ZKSCAN7: variants seen among roughly 807,000 people sequenced by gnomAD.
The protein encoded by ZKSCAN7 is zinc finger protein with KRAB and SCAN domains 7.
In ZKSCAN7, 38 loss-of-function variants were observed where a neutral mutation model predicts 65.3. The ratio of observed to expected loss-of-function variants is 0.58; its 90% confidence interval spans 0.45 to 0.76. The LOEUF is 0.76. Among genes scored for constraint, ZKSCAN7 ranks in the 30% least tolerant of loss-of-function variants. The pLI is 0.00. For synonymous variants in ZKSCAN7, 321 were observed against 321.0 expected, an observed-to-expected ratio of 1.00 and a Z score of 0.00; for missense variants, 815 against 913.3, an observed-to-expected ratio of 0.89 and a Z score of 1.39.
intron 5 of ZKSCAN7, 62 bp from the exon 6 acceptor site, chr3:44,569,860 G>T: frequency 6.8e-7 from 1 of 1,474,760 alleles, no homozygotes; most frequent in South Asian, 1.6e-5. Context: ...AGCTCTTAAT[G>T]ATTCTCTTTC....
At chr3:44,578,362 T>C in intron 5 of ZKSCAN7, 1 of 1,607,620 alleles carries the variant, frequency 6.2e-7, no homozygotes, top group African/African-American at 1.3e-5. Flanking sequence ...GTGCAAGGGG[T>C]GACCCAGTGG....
chr3:44,563,659 A>C (rs1249379088), intron 2 of ZKSCAN7, among the ~76,000 whole-genome samples: 13 of 144,782 alleles, frequency 9.0e-5, no homozygotes, highest in Admixed American at 1.4e-4. Context: ...CCCTACCCCC[A>C]CCCCCCGTGA....
In ZKSCAN7 at chr3:44,565,675, T is replaced by C; in HGVS notation, c.592+20T>C. 1 of 1,558,228 alleles carries C rather than the reference T, an allele frequency of 6.4e-7. No individual in the cohort carries two copies. The highest frequency in any genetic ancestry group is 8.7e-7 in the Non-Finnish European group (1 of 1,153,380). Reference sequence around the variant, plus strand: ...ACTTCGGTACTTATCTCCCCAGCTTTGGCCTTAAGTCATGCCTCCCTTCTC... The same window carrying C: ...ACTTCGGTACTTATCTCCCCAGCTTCGGCCTTAAGTCATGCCTCCCTTCTC... On this transcript the variant is annotated intron_variant, in intron 3 of 5. Transcript: ENST00000426540.
At chr3:44,575,340 G>A (rs1340705208), downstream of ZKSCAN7, among the ~76,000 whole-genome samples, 2 of 152,074 alleles carry the variant, frequency 1.3e-5, no homozygotes, top group African/African-American at 4.8e-5. Flanking sequence ...GTGTAACTGT[G>A]GGAAAATCAC....
At chr3:44,574,696 G>A (rs1208678830), downstream of ZKSCAN7, among the ~76,000 whole-genome samples, 2 of 152,186 alleles carry the variant, frequency 1.3e-5, no homozygotes. Flanking sequence ...TTGGGAGGCT[G>A]AGGCAGGTGG....
intron 5 of ZKSCAN7, among the ~76,000 whole-genome samples, chr3:44,579,604 G>A (rs1700015346): frequency 6.6e-6 from 1 of 152,146 alleles, no homozygotes; most frequent in Non-Finnish European, 1.5e-5. Context: ...GCTTCATGAT[G>A]GTCTGGATCC....
At position 44,557,247 on chromosome 3, in the gene ZKSCAN7, G is replaced by T; in HGVS notation, c.200G>T (p.Gly67Val). ...FRQLCYHEMS[G>V]PQEALSRLRE... ...CAATTGTGTTACCACGAGATGTCTG[G>T]GCCGCAGGAAGCATTGAGCCGGCTT... Residue 67 changes from glycine (G) to valine (V), a missense_variant, in exon 2 of 6, where the codon GGG becomes GTG. Physicochemically the swap from Gly to Val is moderately radical, Grantham distance 109. Transcript: ENST00000426540. The T allele has an allele frequency of 6.2e-7, 1 of 1,614,276 alleles. No homozygotes were observed. The highest frequency in any genetic ancestry group is 8.5e-7 in the Non-Finnish European group (1 of 1,180,054).
At chr3:44,576,308 CT>C (rs577590701), downstream of ZKSCAN7, among the ~76,000 whole-genome samples, 64 of 152,304 alleles carry the variant, frequency 4.2e-4, 1 homozygote, top group African/African-American at 1.4e-3. Context: ...CAGGATGCCC[CT>C]ATCTCAGATA....
In ZKSCAN7 at chr3:44,571,027, G is replaced by A; in HGVS notation, c.1917G>A (p.Glu639=). Residue 639 remains glutamate (E), a synonymous_variant, in exon 6 of 6, where the codon GAG becomes GAA. Coordinates refer to ENST00000426540, the MANE Select transcript of ZKSCAN7 (RefSeq NM_001288590.2). ...GTGAAAAGCCCTATAAATGCAATGA[G>A]TGTGGAAAATCCTTCAATCAAAACT... ...HTGEKPYKCN[E]CGKSFNQNSH... 2 of 1,614,206 alleles carry A rather than the reference G, an allele frequency of 1.2e-6. No individual in the cohort carries two copies. Among genetic ancestry groups the A allele is most frequent in the Non-Finnish European group, 1.7e-6 (2 of 1,180,036 alleles).
At chr3:44,581,315 C>G (rs1411321994) in intron 5 of ZKSCAN7, among the ~76,000 whole-genome samples, 10 of 150,776 alleles carry the variant, frequency 6.6e-5, no homozygotes, top group Non-Finnish European at 1.5e-4. Flanking sequence ...TCTCAAGCTC[C>G]GGTCGCCGCC....
chr3:44,557,449 A>G lies in ZKSCAN7; in HGVS notation c.402A>G (p.Arg134=), dbSNP rs1352091714. 1.2e-6 allele frequency: 2 copies of G among 1,614,148 alleles called. No individual in the cohort carries two copies. The highest frequency in any genetic ancestry group is 1.3e-5 in the African/African-American group (1 of 75,038). Residue 134 remains arginine (R), a synonymous_variant, in exon 2 of 6, where the codon AGA becomes AGG. Coordinates refer to ENST00000426540, the MANE Select transcript of ZKSCAN7 (RefSeq NM_001288590.2). ...TGGCTGTGGTGGAGGATTTCCAGAG[A>G]CACCTCAGTGGATCAGAGGAGGTGA... ...EAVAVVEDFQ[R]HLSGSEEVSA...
chr3:44,560,813 C>T (rs1699455752), intron 2 of ZKSCAN7, among the ~76,000 whole-genome samples: 1 of 152,160 alleles, frequency 6.6e-6, no homozygotes, highest in East Asian at 1.9e-4. Context: ...TGGCCTGTTT[C>T]CTGTATCTTT....
In ZKSCAN7 at chr3:44,571,402, A is replaced by G. The variant is rs1274027945; in HGVS notation, c.*27A>G. On this transcript the variant is annotated 3_prime_UTR_variant, in exon 6 of 6. Transcript: ENST00000426540. ...GTATGGTTCTCTGAGACAGAGAGCAACGACCTTTGAGTTAAGCTGTCTTTA... is the reference window on the plus strand; with the variant it reads ...GTATGGTTCTCTGAGACAGAGAGCAGCGACCTTTGAGTTAAGCTGTCTTTA... The G allele has an allele frequency of 7.4e-6, 12 of 1,611,866 alleles. No individual in the cohort carries two copies. The highest frequency in any genetic ancestry group is 1.0e-5 in the Non-Finnish European group (12 of 1,180,018).
downstream of ZKSCAN7, among the ~76,000 whole-genome samples, chr3:44,572,849 C>CAAAAAAAAAAAAAAAAAAAAAAAAA (rs11339297): frequency 1.1e-3 from 77 of 72,404 alleles, no homozygotes; most frequent in Middle Eastern, 0.014. Context: ...GACTCTGTCT[C>CAAAAAAAAAAAAAAAAAAAAAAAAA]AAAAAAAAAA....
At chr3:44,579,094 A>C (rs1327830997) in intron 5 of ZKSCAN7, among the ~76,000 whole-genome samples, 1 of 152,164 alleles carries the variant, frequency 6.6e-6, no homozygotes, top group African/African-American at 2.4e-5. Context: ...CTTCCCGGAG[A>C]GGCGTGGTCT....
At chr3:44,577,549 G>A (rs560609756) in intron 5 of ZKSCAN7, among the ~76,000 whole-genome samples, 14 of 152,222 alleles carry the variant, frequency 9.2e-5, no homozygotes, top group South Asian at 8.3e-4. Flanking sequence ...ATCTTGAGGC[G>A]TGCTGGCTGG....
intron 5 of ZKSCAN7, among the ~76,000 whole-genome samples, chr3:44,569,385 A>C (rs1699726862): frequency 6.6e-6 from 1 of 152,204 alleles, no homozygotes; most frequent in Non-Finnish European, 1.5e-5. Context: ...CCTATCATGT[A>C]AGATCTGTTC....
intron 3 of ZKSCAN7, among the ~76,000 whole-genome samples, chr3:44,567,125 G>A (rs951205965): frequency 1.6e-4 from 21 of 132,942 alleles, no homozygotes; most frequent in Non-Finnish European, 3.2e-5. Context: ...AAGAGAGAGA[G>A]AGAGAGAAAG....
At position 44,571,654 on chromosome 3, in the gene ZKSCAN7, C is replaced by T; in HGVS notation, c.*279C>T. 1.6e-6 allele frequency: 2 copies of T among 1,267,906 alleles called. No homozygotes were observed. Among genetic ancestry groups the T allele is most frequent in the Non-Finnish European group, 2.0e-6 (2 of 1,003,610 alleles). 78.5% of individuals were successfully genotyped at this position (1,267,906 alleles called of 1,614,324 possible). ...AAATCTATTTCATTTCTTAGTTATG[C>T]ATCTCATAATCAGACTCCATGCTTT... On this transcript the variant is annotated 3_prime_UTR_variant, in exon 6 of 6. Coordinates refer to ENST00000426540, the MANE Select transcript of ZKSCAN7 (RefSeq NM_001288590.2).
Sources: gnomAD v4.1 joint callset for allele counts (sites outside exome capture counted in the v4.1 genomes callset) on GRCh38, gnomAD v4.1.1 for gene constraint, MANE v1.5 for transcripts, NCBI Gene and HGNC (gene_info 2026-07-23, HGNC 2026-07-21) for gene names.